RBFOX1: variants seen among roughly 807,000 people sequenced by gnomAD.
RBFOX1 encodes the protein RNA binding protein fox-1 homolog 1.
Under a neutral mutation model 57.7 loss-of-function variants are expected in RBFOX1, and 8 were observed. That is an observed-to-expected ratio of 0.14 (90% CI 0.08 to 0.25). The LOEUF (loss-of-function observed/expected upper bound fraction) is 0.25, where lower values mean the gene tolerates loss of function less well. RBFOX1 is among the 10% of genes least tolerant of loss of function. The pLI is 1.00. For missense variants in RBFOX1, 611 were observed against 548.5 expected (o/e 1.11, Z -1.14); for synonymous variants, 326 against 222.4 (o/e 1.47, Z -4.15).
At chr16:5,414,426 A>T (rs1385089673) in intron 1 of RBFOX1, among the ~76,000 whole-genome samples, 1 of 152,162 alleles carries the variant, frequency 6.6e-6, no homozygotes, top group Non-Finnish European at 1.5e-5. Context: ...TTGTCACTTT[A>T]TGAGAGATTT....
At chr16:5,517,248 G>T (rs2043825887) in intron 2 of RBFOX1, among the ~76,000 whole-genome samples, 1 of 152,218 alleles carries the variant, frequency 6.6e-6, no homozygotes, top group Non-Finnish European at 1.5e-5. Flanking sequence ...CCTGGATGTA[G>T]ATCTGGGAAA....
At chr16:7,330,469 G>C (rs1278874529) in intron 4 of RBFOX1, among the ~76,000 whole-genome samples, 1 of 103,304 alleles carries the variant, frequency 9.7e-6, no homozygotes, top group Non-Finnish European at 1.9e-5. Flanking sequence ...AATATGGAGA[G>C]CTCTGTGTGT....
At chr16:5,436,829 C>A (rs1437263546) in intron 1 of RBFOX1, among the ~76,000 whole-genome samples, 2 of 151,416 alleles carry the variant, frequency 1.3e-5, no homozygotes, top group Non-Finnish European at 2.9e-5. Flanking sequence ...CAGAGCAAGA[C>A]TCCGCTTCAA....
In RBFOX1 at chr16:6,969,445, A is replaced by T. The variant is rs186995122; in HGVS notation, c.-15-82612A>T. On this transcript the variant is annotated intron_variant, in intron 3 of 15. Coordinates refer to ENST00000550418, the MANE Select transcript of RBFOX1 (RefSeq NM_018723.4). ...GTGATTTTGTACAACATTACATTCAAATAAGGTGGCCGGGTGTGGTGGCTC... is the reference window on the plus strand; with the variant it reads ...GTGATTTTGTACAACATTACATTCATATAAGGTGGCCGGGTGTGGTGGCTC... 1.1e-3 allele frequency among the ~76,000 whole-genome samples: 161 copies of T among 152,058 alleles called. 2 individuals carry two copies. Among genetic ancestry groups the T allele is most frequent in the Non-Finnish European group, 1.3e-4 (9 of 68,016 alleles).
At chr16:7,123,563 A>C (rs527821257) in intron 4 of RBFOX1, among the ~76,000 whole-genome samples, 2 of 152,044 alleles carry the variant, frequency 1.3e-5, no homozygotes, top group East Asian at 3.9e-4. Context: ...TGGGGTTTTG[A>C]CATATTGTCC....
intron 3 of RBFOX1, among the ~76,000 whole-genome samples, chr16:6,934,568 A>C (rs972113665): frequency 3.3e-5 from 5 of 152,326 alleles, no homozygotes; most frequent in Admixed American, 6.5e-5. Context: ...TTTTTTAAAA[A>C]GATAACAAAG....
intron 3 of RBFOX1, among the ~76,000 whole-genome samples, chr16:5,790,063 A>T (rs2054637385): frequency 6.6e-6 from 1 of 152,248 alleles, no homozygotes; most frequent in Admixed American, 6.5e-5. Flanking sequence ...CCTTGTGGTT[A>T]TTCGGGACTC....
chr16:6,493,770 G>C (rs2095690734), intron 2 of RBFOX1, among the ~76,000 whole-genome samples: 1 of 152,202 alleles, frequency 6.6e-6, no homozygotes, highest in Non-Finnish European at 1.5e-5. Context: ...GTGCTGTTCA[G>C]ATTGCTTCAG....
chr16:7,082,396 C>T (rs2059336531), intron 4 of RBFOX1, among the ~76,000 whole-genome samples: 1 of 151,886 alleles, frequency 6.6e-6, no homozygotes, highest in Non-Finnish European at 1.5e-5. Context: ...GCTTGGGAAA[C>T]ATGGCACAAC....
At chr16:7,381,006 T>C (rs1326442403) in intron 4 of RBFOX1, among the ~76,000 whole-genome samples, 4 of 152,234 alleles carry the variant, frequency 2.6e-5, no homozygotes, top group Admixed American at 2.6e-4. Context: ...TGTTCTGTCT[T>C]GCATGAAACA....
chr16:7,019,352 G>A (rs2094088873), intron 3 of RBFOX1, among the ~76,000 whole-genome samples: 1 of 152,120 alleles, frequency 6.6e-6, no homozygotes, highest in African/African-American at 2.4e-5. Flanking sequence ...TTTGGAGTAA[G>A]ACCTTTTAGC....
chr16:7,189,554 A>AACAC (rs779531861), intron 4 of RBFOX1, among the ~76,000 whole-genome samples: 8,833 of 135,800 alleles, frequency 0.065, 286 homozygotes, highest in Middle Eastern at 0.1. Context: ...TGTCCCCCAA[A>AACAC]ACACACACAC....
rs539746323 is a variant in RBFOX1, at chr16:7,050,235, T to C, written c.-15-1822T>C. On this transcript the variant is annotated intron_variant, in intron 3 of 15. Coordinates refer to ENST00000550418, the MANE Select transcript of RBFOX1 (RefSeq NM_018723.4). ...ATATTTCTCCCAGTCTTTTCCTCTT[T>C]AGCTTCTTTTTTTTTCCTTTATTTT... is the stretch of plus-strand genomic sequence containing the variant. Among the ~76,000 whole-genome samples the C allele has an allele frequency of 1.2e-3, 174 of 150,716 alleles. 1 individual carries two copies. Among genetic ancestry groups the C allele is most frequent in the African/African-American group, 3.3e-3 (135 of 41,242 alleles).
At position 6,070,825 on chromosome 16, in the gene RBFOX1, CA is replaced by C. The variant is rs201691167; in HGVS notation, c.-127+50834del. Reference sequence around the variant, plus strand: ...TATACACACACACGCTCGCCCCCCCCACACACACATTTGCACTAAACTTCTT... The same window carrying C: ...TATACACACACACGCTCGCCCCCCCCCACACACATTTGCACTAAACTTCTT... On this transcript the variant is annotated intron_variant, in intron 1 of 15. Coordinates refer to ENST00000550418, the MANE Select transcript of RBFOX1 (RefSeq NM_018723.4). Among the ~76,000 whole-genome samples the C allele has an allele frequency of 3.0e-4, 46 of 151,688 alleles. No homozygotes were observed. In the East Asian group the frequency reaches 5.2e-3, roughly 17 times the overall value.
chr16:6,076,512 G>C (rs2095903805), intron 1 of RBFOX1, among the ~76,000 whole-genome samples: 1 of 152,040 alleles, frequency 6.6e-6, no homozygotes, highest in Admixed American at 6.6e-5. Flanking sequence ...CTGTCACCCA[G>C]GCTGGAGGAC....
chr16:6,943,422 C>T (rs975448246), intron 3 of RBFOX1, among the ~76,000 whole-genome samples: 1 of 152,086 alleles, frequency 6.6e-6, no homozygotes, highest in African/African-American at 2.4e-5. Flanking sequence ...GAGTATGGGC[C>T]TGTGGGCCGG....
At chr16:5,657,660 T>TG (rs2049482874) in intron 3 of RBFOX1, among the ~76,000 whole-genome samples, 1 of 61,006 alleles carries the variant, frequency 1.6e-5, no homozygotes, top group African/African-American at 5.6e-5. Flanking sequence ...TTCTTTTCTT[T>TG]TCTTTCTTTC....
chr16:7,347,098 A>G (rs183175425), intron 4 of RBFOX1, among the ~76,000 whole-genome samples: 3 of 152,302 alleles, frequency 2.0e-5, no homozygotes, highest in South Asian at 2.1e-4. Context: ...GTGGTTCTCA[A>G]TCAGGGGTGA....
chr16:6,809,819 C>A (rs1339480986), intron 3 of RBFOX1, among the ~76,000 whole-genome samples: 1 of 152,142 alleles, frequency 6.6e-6, no homozygotes, highest in African/African-American at 2.4e-5. Flanking sequence ...TATTCCAATT[C>A]TCTGGAAGAG....
Sources: gnomAD v4.1 joint callset for allele counts (sites outside exome capture counted in the v4.1 genomes callset) on GRCh38, gnomAD v4.1.1 for gene constraint, MANE v1.5 for transcripts, NCBI Gene and HGNC (gene_info 2026-07-23, HGNC 2026-07-21) for gene names.